The following EPSTI1 variants were observed in gnomAD, a reference collection of about 807,000 sequenced individuals.
The protein encoded by EPSTI1 is epithelial stromal interaction 1.
In EPSTI1, 66 loss-of-function variants were observed where a neutral mutation model predicts 49.9. That is an observed-to-expected ratio of 1.32 (90% CI 1.08 to 1.62). The LOEUF (loss-of-function observed/expected upper bound fraction) is 1.62, where lower values mean the gene tolerates loss of function less well. EPSTI1 is among the 40% of genes most tolerant of loss of function. The pLI, the probability that EPSTI1 is intolerant of heterozygous loss-of-function variation, is 0.00. For missense variants in EPSTI1, 394 were observed against 365.5 expected, an observed-to-expected ratio of 1.08 and a Z score of -0.64; for synonymous variants, 137 against 130.7, an observed-to-expected ratio of 1.05 and a Z score of -0.33.
At chr13:42,974,897 CAG>C (rs1237937571) in intron 1 of EPSTI1, among the ~76,000 whole-genome samples, 1 of 151,922 alleles carries the variant, frequency 6.6e-6, no homozygotes, top group African/African-American at 2.4e-5. Flanking sequence ...ACTGGTTTGA[CAG>C]AAAAAGAAAT....
At chr13:42,939,781 T>C (rs988551507) in intron 6 of EPSTI1, among the ~76,000 whole-genome samples, 3 of 152,310 alleles carry the variant, frequency 2.0e-5, no homozygotes, top group East Asian at 1.9e-4. Context: ...ATGGCACCAA[T>C]AGGCTTGCTC....
intron 6 of EPSTI1, among the ~76,000 whole-genome samples, chr13:42,942,081 ATT>A: frequency 6.6e-6 from 1 of 152,266 alleles, no homozygotes; most frequent in South Asian, 2.1e-4. Context: ...TGGATTATAT[ATT>A]TTATCTGCAT....
intron 1 of EPSTI1, among the ~76,000 whole-genome samples, chr13:42,980,487 TGGCA>T (rs1350309054): frequency 6.6e-6 from 1 of 152,188 alleles, no homozygotes; most frequent in Admixed American, 6.5e-5. Flanking sequence ...TCTTACATGG[TGGCA>T]GGCAAGAGAG....
chr13:42,968,202 T>C lies in EPSTI1; in HGVS notation c.331+892A>G, dbSNP rs145032538. On this transcript the variant is annotated intron_variant, in intron 3 of 10. Transcript: ENST00000313624. ...TTGTACCCTTCGAGTCTGGCTCATT[T>C]GCACAAAGGAGGCACTTGAGATTAG... is the stretch of plus-strand genomic sequence containing the variant. Among the ~76,000 whole-genome samples, 60 of 152,320 alleles carry C rather than the reference T, an allele frequency of 3.9e-4. No individual in the cohort carries two copies. The East Asian group carries it at 7.1e-3, about 18-fold the overall frequency.
At chr13:42,932,848 C>A (rs116078065) in intron 6 of EPSTI1, among the ~76,000 whole-genome samples, 1 of 152,118 alleles carries the variant, frequency 6.6e-6, no homozygotes, top group African/African-American at 2.4e-5. Flanking sequence ...CCCTCTGATG[C>A]GATGCACTGA....
At chr13:42,958,093 C>T (rs962371499) in intron 5 of EPSTI1, among the ~76,000 whole-genome samples, 4 of 152,130 alleles carry the variant, frequency 2.6e-5, no homozygotes, top group Admixed American at 1.3e-4. Context: ...TTAAGAACAC[C>T]GTTGGTGATC....
At chr13:42,896,837 G>C (rs183291506) in intron 9 of EPSTI1, among the ~76,000 whole-genome samples, 3 of 152,146 alleles carry the variant, frequency 2.0e-5, no homozygotes, top group Middle Eastern at 3.2e-3. Context: ...GAGGTGTGGT[G>C]GCTCATGCCT....
At chr13:42,963,102 G>GA (rs933107275) in intron 5 of EPSTI1, among the ~76,000 whole-genome samples, 153 bp downstream of exon 5, 1 of 151,834 alleles carries the variant, frequency 6.6e-6, no homozygotes, top group Non-Finnish European at 1.5e-5. Context: ...AAAATGGAAG[G>GA]AAAAAAACTG....
Position 42,931,119 on chromosome 13 carries a change from A to G in EPSTI1, c.564-4690T>C, listed in dbSNP as rs550533317. Among the ~76,000 whole-genome samples, 16 of 150,212 alleles carry G rather than the reference A, an allele frequency of 1.1e-4. No homozygotes were observed. The South Asian group carries it at 1.3e-3, about 12-fold the overall frequency. On this transcript the variant is annotated intron_variant, in intron 6 of 10. Coordinates refer to ENST00000313624, the MANE Select transcript of EPSTI1 (RefSeq NM_033255.5). Reference sequence around the variant, plus strand: ...ATTCTTAATACTCTTTCCTCCTTCTATCTGATGATGGTATCTTAAGTGAGC... The same window carrying G: ...ATTCTTAATACTCTTTCCTCCTTCTGTCTGATGATGGTATCTTAAGTGAGC...
At chr13:42,930,294 G>A (rs775008006) in intron 6 of EPSTI1, among the ~76,000 whole-genome samples, 9 of 152,090 alleles carry the variant, frequency 5.9e-5, no homozygotes, top group African/African-American at 9.7e-5. Flanking sequence ...GTAATCATTC[G>A]TACATGCATG....
chr13:42,915,594 A>G (rs1310177430), intron 8 of EPSTI1, among the ~76,000 whole-genome samples: 1 of 152,184 alleles, frequency 6.6e-6, no homozygotes, highest in Non-Finnish European at 1.5e-5. Flanking sequence ...AAAAAAAGAG[A>G]GAAGCAAAAG....
intron 5 of EPSTI1, 47 bp downstream of exon 5, chr13:42,963,208 C>G (rs1229663530): frequency 6.8e-7 from 1 of 1,472,966 alleles, no homozygotes; most frequent in South Asian, 1.2e-5. Context: ...TACAACGAAA[C>G]TATAATTGTT....
In EPSTI1 at chr13:42,926,489, T is replaced by C. The variant is rs909417231; in HGVS notation, c.564-60A>G. On this transcript the variant is annotated intron_variant, in intron 6 of 10. Coordinates refer to ENST00000313624, the MANE Select transcript of EPSTI1 (RefSeq NM_033255.5). ...CAAAAATATGAACATAATTCTTTAT[T>C]TTTCCTTTGGATACTAACCTAGACT... 13 of 970,564 alleles carry C rather than the reference T, an allele frequency of 1.3e-5. No homozygotes were observed. The African/African-American group carries it at 2.1e-4, about 15-fold the overall frequency. The allele number at this position is 970,564 out of a possible 1,614,324, so 60.1% of individuals were successfully genotyped here.
chr13:42,911,217 G>A (rs570008940), intron 8 of EPSTI1, among the ~76,000 whole-genome samples: 1 of 143,766 alleles, frequency 7.0e-6, no homozygotes, highest in Admixed American at 6.9e-5. Context: ...GTCTATCTGT[G>A]AGAGAGAGAG....
chr13:42,887,994 G>T lies in EPSTI1; in HGVS notation c.*500C>A. ...TAAAAATGACCCATTTATACAGAAGGAGTTCAAAATTTATTTATAAATTTG... is the reference window on the plus strand; with the variant it reads ...TAAAAATGACCCATTTATACAGAAGTAGTTCAAAATTTATTTATAAATTTG... On this transcript the variant is annotated 3_prime_UTR_variant, in exon 11 of 11. Coordinates refer to ENST00000313624, the MANE Select transcript of EPSTI1 (RefSeq NM_033255.5). The T allele has an allele frequency of 3.4e-6, 1 of 294,844 alleles. No individual in the cohort carries two copies. Among genetic ancestry groups the T allele is most frequent in the Non-Finnish European group, 6.2e-6 (1 of 161,058 alleles). The allele number at this position is 294,844 out of a possible 1,614,324, so 18.3% of individuals were successfully genotyped here. A position where few individuals can be genotyped will look rare whatever the true frequency, so the allele number is the denominator to read the frequency against.
chr13:42,987,835 C>T (rs1329002216), intron 1 of EPSTI1, among the ~76,000 whole-genome samples: 1 of 152,036 alleles, frequency 6.6e-6, no homozygotes, highest in Non-Finnish European at 1.5e-5. Context: ...CCTCTCATTC[C>T]ATGGTGGTTA....
intron 1 of EPSTI1, among the ~76,000 whole-genome samples, chr13:42,979,601 A>G (rs1435050395): frequency 1.4e-4 from 15 of 104,572 alleles, no homozygotes; most frequent in African/African-American, 3.1e-4. Context: ...AAAAAAAAAA[A>G]AGAAAAGAAA....
chr13:42,977,035 C>T (rs1268532432), intron 1 of EPSTI1, among the ~76,000 whole-genome samples: 2 of 152,158 alleles, frequency 1.3e-5, no homozygotes, highest in African/African-American at 4.8e-5. Flanking sequence ...TCAACTATTG[C>T]AACTGTTTCA....
Position 42,921,643 on chromosome 13 carries a change from G to A in EPSTI1, c.658-4019C>T, listed in dbSNP as rs139698796. Among the ~76,000 whole-genome samples, 439 of 152,244 alleles carry A rather than the reference G, an allele frequency of 2.9e-3. 6 individuals carry two copies. The highest frequency in any genetic ancestry group is 0.01 in the African/African-American group (430 of 41,540). On this transcript the variant is annotated intron_variant, in intron 7 of 10. Coordinates refer to ENST00000313624, the MANE Select transcript of EPSTI1 (RefSeq NM_033255.5). ...CTTGGCTGCACATTAGAATGGCCCG[G>A]GGAGCTTTTTTAAACCCTGAAGCCC... is the stretch of plus-strand genomic sequence containing the variant.
Sources: allele counts gnomAD v4.1 joint callset (sites outside exome capture counted in the v4.1 genomes callset), GRCh38; gene constraint gnomAD v4.1.1; transcripts MANE v1.5; gene names NCBI Gene and HGNC (gene_info 2026-07-23, HGNC 2026-07-21).